The following UBAC2 variants were observed in gnomAD, a reference collection of about 807,000 sequenced individuals.
The protein encoded by UBAC2 is ubiquitin-associated domain-containing protein 2.
In UBAC2, 26 loss-of-function variants were observed where a neutral mutation model predicts 44.0. That is an observed-to-expected ratio of 0.59 (90% confidence interval 0.43 to 0.82). UBAC2 has a LOEUF of 0.82. Ranked by LOEUF, UBAC2 falls within the 40% of genes least tolerant of loss-of-function variation. The pLI, the probability that UBAC2 is intolerant of heterozygous loss-of-function variation, is 0.00. For missense variants in UBAC2, 329 were observed against 419.4 expected, an observed-to-expected ratio of 0.78 and a Z score of 1.88; for synonymous variants, 155 against 154.3, an observed-to-expected ratio of 1.00 and a Z score of -0.04.
chr13:99,248,733 C>T (rs1294058580), intron 4 of UBAC2, among the ~76,000 whole-genome samples: 1 of 151,954 alleles, frequency 6.6e-6, no homozygotes, highest in African/African-American at 2.4e-5. Context: ...TGTTATTTTG[C>T]CCAGGCTGGT....
At chr13:99,216,834 C>CTTTTTCTTT (rs1555319440) in intron 1 of UBAC2, among the ~76,000 whole-genome samples, 5 of 140,624 alleles carry the variant, frequency 3.6e-5, no homozygotes, top group Non-Finnish European at 6.2e-5. Context: ...TTTCTTTTTT[C>CTTTTTCTTT]TTTTTTTTTT....
intron 4 of UBAC2, among the ~76,000 whole-genome samples, chr13:99,291,383 C>T (rs981178999): frequency 1.1e-4 from 16 of 152,152 alleles, no homozygotes; most frequent in East Asian, 1.9e-4. Context: ...GCCTTGTCAC[C>T]GGGTCACTTG....
intron 7 of UBAC2, among the ~76,000 whole-genome samples, chr13:99,360,099 A>G (rs2045244903): frequency 1.4e-5 from 2 of 146,786 alleles, no homozygotes; most frequent in South Asian, 4.2e-4. Context: ...ATTGTTCTCC[A>G]TTTTACTCTT....
At chr13:99,213,356 A>G (rs1258987384) in intron 1 of UBAC2, among the ~76,000 whole-genome samples, 2 of 151,700 alleles carry the variant, frequency 1.3e-5, no homozygotes, top group Non-Finnish European at 2.9e-5. Flanking sequence ...CGCCCTATCC[A>G]TAACTTTTTT....
At chr13:99,266,819 TACC>T (rs2043750047) in intron 4 of UBAC2, among the ~76,000 whole-genome samples, 1 of 152,210 alleles carries the variant, frequency 6.6e-6, no homozygotes, top group Non-Finnish European at 1.5e-5. Context: ...TGAAAGCCTG[TACC>T]CATCATACAG....
chr13:99,262,709 T>TCAAAAAAAA (rs2043682515), intron 4 of UBAC2, among the ~76,000 whole-genome samples: 1 of 16,590 alleles, frequency 6.0e-5, no homozygotes, highest in Admixed American at 1.0e-3. Context: ...GAACTCCCTC[T>TCAAAAAAAA]CAAAAAAAAA....
chr13:99,323,355 C>T (rs1243053561), intron 6 of UBAC2, among the ~76,000 whole-genome samples: 2 of 152,168 alleles, frequency 1.3e-5, no homozygotes, highest in Non-Finnish European at 2.9e-5. Flanking sequence ...AATCCCAGCA[C>T]TTTGGGAGAC....
chr13:99,277,802 TCC>T (rs998141740), intron 4 of UBAC2, among the ~76,000 whole-genome samples: 1 of 149,886 alleles, frequency 6.7e-6, no homozygotes, highest in African/African-American at 2.5e-5. Flanking sequence ...TCTTGCCCCA[TCC>T]CCTCTGTCAC....
intron 4 of UBAC2, among the ~76,000 whole-genome samples, chr13:99,291,566 G>C (rs986955879): frequency 1.3e-5 from 2 of 152,204 alleles, no homozygotes; most frequent in Admixed American, 6.5e-5. Context: ...ATGCCACCTT[G>C]TACTCAATGG....
intron 4 of UBAC2, among the ~76,000 whole-genome samples, chr13:99,259,731 A>G (rs2043629486): frequency 6.6e-6 from 1 of 152,244 alleles, no homozygotes; most frequent in Admixed American, 6.5e-5. Context: ...GCCTGCATGC[A>G]GACCTAATCT....
At position 99,245,203 on chromosome 13, in the gene UBAC2, T is replaced by G. The variant is rs145334174; in HGVS notation, c.389+579T>G. On this transcript the variant is annotated intron_variant, in intron 4 of 8. Transcript: ENST00000403766. The stretch of plus-strand genomic sequence containing the variant: ...AGTGAATTTCCTATTCTGATCCTGA[T>G]AGAATTAGTTTTGTGTGTTTTTATA... Among the ~76,000 whole-genome samples, 363 of 152,350 alleles carry G rather than the reference T, an allele frequency of 2.4e-3. 4 individuals are homozygous for G. Among genetic ancestry groups the G allele is most frequent in the South Asian group, 0.011 (52 of 4,826 alleles).
chr13:99,385,016 G>C (rs553801968), intron 8 of UBAC2, among the ~76,000 whole-genome samples: 2 of 152,224 alleles, frequency 1.3e-5, no homozygotes, highest in Admixed American at 1.3e-4. Context: ...GGTTATGTGC[G>C]ATCATGCATA....
chr13:99,210,118 G>GA lies in UBAC2; in HGVS notation c.31+9187dup, dbSNP rs978003279. On this transcript the variant is annotated intron_variant, in intron 1 of 8. Transcript: ENST00000403766. ...CACACTATAGGAAGTTTGGAAAATAGAAAAAAAACGGTCCTAGCATTTCAT... is the reference window on the plus strand; with the variant it reads ...CACACTATAGGAAGTTTGGAAAATAGAAAAAAAAACGGTCCTAGCATTTCAT... Among the ~76,000 whole-genome samples, 3 of 151,834 alleles carry GA rather than the reference G, an allele frequency of 2.0e-5. No individual in the cohort carries two copies. In the South Asian group the frequency reaches 6.3e-4, roughly 32 times the overall value.
chr13:99,296,384 A>T (rs1487384084), intron 4 of UBAC2, among the ~76,000 whole-genome samples: 2 of 152,190 alleles, frequency 1.3e-5, no homozygotes, highest in Non-Finnish European at 2.9e-5. Context: ...TTGTGTTTTT[A>T]CTCTCACAAT....
At chr13:99,271,694 C>G (rs1192985425) in intron 4 of UBAC2, among the ~76,000 whole-genome samples, 2 of 152,092 alleles carry the variant, frequency 1.3e-5, no homozygotes, top group African/African-American at 4.8e-5. Context: ...ATCAAATTCT[C>G]CCTCAGGGTA....
chr13:99,246,609 C>A lies in UBAC2; in HGVS notation c.389+1985C>A, dbSNP rs539962336. 1.1e-4 allele frequency among the ~76,000 whole-genome samples: 16 copies of A among 152,254 alleles called. No individual in the cohort carries two copies. The East Asian group carries it at 3.1e-3, about 29-fold the overall frequency. ...TTCTTTTTCCTGCTGCACATGGAAT[C>A]GAATGACAGTAGAACTTTCATATTC... On this transcript the variant is annotated intron_variant, in intron 4 of 8. Transcript: ENST00000403766.
intron 4 of UBAC2, chr13:99,255,968 T>TTC: frequency 8.3e-7 from 1 of 1,206,798 alleles, no homozygotes; most frequent in Admixed American, 2.5e-5. Flanking sequence ...ATGCTTAACA[T>TTC]TCTCCCACTC....
At chr13:99,224,195 C>G (rs1398522587) in intron 1 of UBAC2, among the ~76,000 whole-genome samples, 1 of 152,156 alleles carries the variant, frequency 6.6e-6, no homozygotes, top group African/African-American at 2.4e-5. Flanking sequence ...AGCCTGCTGG[C>G]TTCTAGCTGT....
intron 4 of UBAC2, among the ~76,000 whole-genome samples, chr13:99,286,216 A>G (rs1320502624): frequency 6.6e-6 from 1 of 152,234 alleles, no homozygotes; most frequent in Non-Finnish European, 1.5e-5. Context: ...TGGCTGACAG[A>G]ACTGCTAATC....
Sources: allele counts gnomAD v4.1 joint callset (sites outside exome capture counted in the v4.1 genomes callset), GRCh38; gene constraint gnomAD v4.1.1; transcripts MANE v1.5; gene names NCBI Gene and HGNC (gene_info 2026-07-23, HGNC 2026-07-21).